The following UNC13B variants were observed in gnomAD, a reference collection of about 807,000 sequenced individuals.
UNC13B encodes protein unc-13 homolog B.
In UNC13B, 144 loss-of-function variants were observed where a neutral mutation model predicts 211.0. The ratio of observed to expected loss-of-function variants is 0.68; its 90% CI spans 0.60 to 0.78. UNC13B has a LOEUF of 0.78. UNC13B is among the 30% of genes least tolerant of loss of function. The pLI is 0.00. For synonymous variants in UNC13B, 709 were observed against 725.8 expected (o/e 0.98, Z 0.37); for missense variants, 1,777 against 2,002.0 (o/e 0.89, Z 2.14).
chr9:35,368,449 C>G (rs1833911810), intron 12 of UNC13B, among the ~76,000 whole-genome samples: 1 of 152,174 alleles, frequency 6.6e-6, no homozygotes, highest in Non-Finnish European at 1.5e-5. Flanking sequence ...TTTCTTTATC[C>G]AGTGTGCCAC....
chr9:35,280,065 G>A (rs537139139), intron 7 of UNC13B, among the ~76,000 whole-genome samples: 23 of 151,966 alleles, frequency 1.5e-4, no homozygotes, highest in Admixed American at 9.2e-4. Context: ...TTTAACTTCT[G>A]TCTTTCTGCT....
At position 35,254,410 on chromosome 9, in the gene UNC13B, TGGA is replaced by T. The variant is rs369118092; in HGVS notation, c.469-4581_469-4579del. 7.5e-4 allele frequency among the ~76,000 whole-genome samples: 115 copies of T among 152,326 alleles called. 1 individual carries two copies. The South Asian group carries it at 0.019, about 25-fold the overall frequency. ...TCTCATGTGATGGAAGCATGCTCTC[TGGA>T]GCCTCTTTTGTAAGGGTGCTTATGC... On this transcript the variant is annotated intron_variant, in intron 6 of 39. Coordinates refer to ENST00000635942, the MANE Select transcript of UNC13B (RefSeq NM_001371189.2).
At chr9:35,207,272 T>G (rs1823709739) in intron 1 of UNC13B, among the ~76,000 whole-genome samples, 1 of 152,032 alleles carries the variant, frequency 6.6e-6, no homozygotes, top group Non-Finnish European at 1.5e-5. Context: ...TTTTTATTTA[T>G]TTTTTGACAT....
chr9:35,170,550 C>T (rs1475680347), intron 1 of UNC13B, among the ~76,000 whole-genome samples: 1 of 151,872 alleles, frequency 6.6e-6, no homozygotes, highest in African/African-American at 2.4e-5. Flanking sequence ...CTCTCTGCAG[C>T]CTCGACCTCC....
chr9:35,251,128 A>C (rs564044873), intron 6 of UNC13B, among the ~76,000 whole-genome samples: 1 of 151,872 alleles, frequency 6.6e-6, no homozygotes, highest in South Asian at 2.1e-4. Flanking sequence ...GCACCCGGCT[A>C]ATTTTTTTGT....
rs762787107 is a variant in UNC13B at position 35,313,975 on chromosome 9, C to T, written c.9400C>T (p.Leu3134Phe). Reference sequence around the variant, plus strand: ...GATCCGAGCAGTTACCAAGGTTCGACTCCAGCTGCAGGAGGTAGGAAATCT... The same window carrying T: ...GATCCGAGCAGTTACCAAGGTTCGATTCCAGCTGCAGGAGGTAGGAAATCT... ...HWIRAVTKVR[L>F]QLQEIPDDGD... is the part of the protein sequence containing the mutation. Residue 3134 changes from leucine (L) to phenylalanine (F), a missense_variant, in exon 11 of 40, where the codon CTC becomes TTC. Transcript: ENST00000635942. 133 of 1,613,580 alleles carry T rather than the reference C, an allele frequency of 8.2e-5. No individual in the cohort carries two copies. The highest frequency in any genetic ancestry group is 1.1e-4 in the Non-Finnish European group (124 of 1,179,672).
At chr9:35,215,763 C>T (rs538404700) in intron 1 of UNC13B, among the ~76,000 whole-genome samples, 148 of 152,164 alleles carry the variant, frequency 9.7e-4, no homozygotes, top group African/African-American at 3.4e-3. Context: ...TATTGGAAGG[C>T]CAGAAACAAT....
intron 7 of UNC13B, among the ~76,000 whole-genome samples, chr9:35,265,876 A>T (rs543708029): frequency 6.6e-6 from 1 of 152,230 alleles, no homozygotes; most frequent in South Asian, 2.1e-4. Context: ...CCCAGACTGG[A>T]GTGCAGTGAC....
intron 1 of UNC13B, among the ~76,000 whole-genome samples, chr9:35,184,063 A>G (rs1429594675): frequency 1.4e-5 from 2 of 145,382 alleles, no homozygotes; most frequent in Non-Finnish European, 1.5e-5. Context: ...CGCTCCTCAC[A>G]TCCCAGACGA....
At chr9:35,382,535 G>A in intron 21 of UNC13B, 28 bp downstream of exon 21, 1 of 1,573,268 alleles carries the variant, frequency 6.4e-7, no homozygotes, top group Admixed American at 2.0e-5. Context: ...ACATATGTCT[G>A]CATTTGTTAC....
At chr9:35,200,268 A>G (rs375539826) in intron 1 of UNC13B, among the ~76,000 whole-genome samples, 3 of 152,132 alleles carry the variant, frequency 2.0e-5, no homozygotes, top group African/African-American at 4.8e-5. Flanking sequence ...GTCAGGTAGC[A>G]TGATGCCTCC....
chr9:35,164,394 T>A (rs1316474520), intron 1 of UNC13B, among the ~76,000 whole-genome samples: 1 of 152,266 alleles, frequency 6.6e-6, no homozygotes, highest in African/African-American at 2.4e-5. Context: ...AAGCAGTCTA[T>A]ATAGTGATAT....
At chr9:35,299,705 A>G (rs1450386674) in intron 8 of UNC13B, among the ~76,000 whole-genome samples, 1 of 152,064 alleles carries the variant, frequency 6.6e-6, no homozygotes, top group Non-Finnish European at 1.5e-5. Flanking sequence ...TCCTTTTCAT[A>G]TTTTTTTAGT....
chr9:35,238,182 TA>T (rs1825619003), intron 5 of UNC13B, among the ~76,000 whole-genome samples: 1 of 152,228 alleles, frequency 6.6e-6, no homozygotes, highest in Non-Finnish European at 1.5e-5. Context: ...ATTTAAGTAT[TA>T]AATAGCACTG....
chr9:35,310,671 A>G lies in UNC13B; in HGVS notation c.9213A>G (p.Gln3071=). The part of the protein sequence containing the change: ...EQEKPLEVTG[Q]AEKEAACEPK... Reference sequence around the variant, plus strand: ...AGAAACCCTTGGAGGTGACAGGTCAAGCAGAGAAGGAGGCAGCATGTGAAC... The same window carrying G: ...AGAAACCCTTGGAGGTGACAGGTCAGGCAGAGAAGGAGGCAGCATGTGAAC... Residue 3071 remains glutamine (Q), a synonymous_variant, in exon 10 of 40, where the codon CAA becomes CAG. Transcript: ENST00000635942. 1 of 1,614,022 alleles carries G rather than the reference A, an allele frequency of 6.2e-7. No individual in the cohort carries two copies. The highest frequency in any genetic ancestry group is 8.5e-7 in the Non-Finnish European group (1 of 1,180,004).
intron 7 of UNC13B, among the ~76,000 whole-genome samples, chr9:35,269,272 T>C (rs1462429844): frequency 6.6e-6 from 1 of 152,170 alleles, no homozygotes. Context: ...GTTAATTTGG[T>C]ATTACCGATT....
chr9:35,199,123 C>T (rs1823116612), intron 1 of UNC13B, among the ~76,000 whole-genome samples: 1 of 152,092 alleles, frequency 6.6e-6, no homozygotes, highest in Non-Finnish European at 1.5e-5. Flanking sequence ...ATAGTTTGCT[C>T]AGAATGGTGG....
At chr9:35,181,100 AAAAC>A (rs1240503547) in intron 1 of UNC13B, among the ~76,000 whole-genome samples, 2 of 151,934 alleles carry the variant, frequency 1.3e-5, no homozygotes, top group African/African-American at 4.8e-5. Flanking sequence ...GCTGTTTCAA[AAAAC>A]AAACAAAAAA....
At chr9:35,167,117 C>T (rs766816905) in intron 1 of UNC13B, among the ~76,000 whole-genome samples, 1 of 151,902 alleles carries the variant, frequency 6.6e-6, no homozygotes, top group African/African-American at 2.4e-5. Flanking sequence ...GCTGTGTCGC[C>T]CAGGCTGGAG....
Sources: allele counts gnomAD v4.1 joint callset (sites outside exome capture counted in the v4.1 genomes callset), GRCh38; gene constraint gnomAD v4.1.1; transcripts MANE v1.5; gene names NCBI Gene and HGNC (gene_info 2026-07-23, HGNC 2026-07-21).